The following KDM6A variants were observed in gnomAD, a reference collection of about 807,000 sequenced individuals.
KDM6A encodes lysine-specific demethylase 6A.
Under a neutral mutation model 117.6 loss-of-function variants are expected in KDM6A, and 11 were observed. The observed-to-expected ratio is 0.09, with a 90% confidence interval of 0.06 to 0.15. The LOEUF is 0.15. KDM6A is among the 10% of genes least tolerant of loss of function. KDM6A has a pLI of 1.00. For synonymous variants in KDM6A, 384 were observed against 396.1 expected (o/e 0.97, Z 0.36); for missense variants, 799 against 1,077.3 (o/e 0.74, Z 3.62).
chrX:45,052,351 T>C (rs894553544), intron 9 of KDM6A, among the ~76,000 whole-genome samples: 6 of 111,991 alleles, frequency 5.4e-5, no homozygotes, highest in Non-Finnish European at 7.5e-5. Context: ...GTTTCTTGTT[T>C]GTATTTGATA....
At chrX:44,893,993 C>T (rs909912694) in intron 2 of KDM6A, among the ~76,000 whole-genome samples, 1 of 111,759 alleles carries the variant, frequency 8.9e-6, no homozygotes, top group Non-Finnish European at 1.9e-5. Flanking sequence ...CCCAATTGGT[C>T]ATGGCATATA....
At chrX:45,082,690 T>A in intron 22 of KDM6A, 25 bp from the exon 23 acceptor site, 1 of 1,185,846 alleles carries the variant, frequency 8.4e-7, no homozygotes, top group Non-Finnish European at 1.1e-6. Flanking sequence ...AAGGCATGTT[T>A]CTAATACTGT....
At chrX:45,045,835 A>G (rs1002733709) in intron 8 of KDM6A, among the ~76,000 whole-genome samples, 1 of 111,204 alleles carries the variant, frequency 9.0e-6, no homozygotes, top group East Asian at 2.8e-4. Context: ...GGATGTGTAT[A>G]TAAGTTGTTA....
intron 4 of KDM6A, among the ~76,000 whole-genome samples, chrX:45,002,851 T>TCC (rs1329939302): frequency 3.4e-4 from 22 of 63,856 alleles, no homozygotes; most frequent in African/African-American, 5.9e-4. Flanking sequence ...TATAAATTCT[T>TCC]CCCCTCCCCG....
intron 2 of KDM6A, among the ~76,000 whole-genome samples, chrX:44,935,669 T>C (rs2036923285): frequency 9.0e-6 from 1 of 110,676 alleles, no homozygotes; most frequent in African/African-American, 3.3e-5. Flanking sequence ...GGTTTCAGAG[T>C]CTATCTACTA....
At chrX:44,991,193 C>T (rs1036932417) in intron 4 of KDM6A, among the ~76,000 whole-genome samples, 1 of 111,896 alleles carries the variant, frequency 8.9e-6, no homozygotes, top group Non-Finnish European at 1.9e-5. Flanking sequence ...CTTCTGTTTT[C>T]TTCCTTGCTT....
intron 6 of KDM6A, among the ~76,000 whole-genome samples, chrX:45,027,426 C>T (rs2042423759): frequency 9.0e-6 from 1 of 111,353 alleles, no homozygotes; most frequent in Non-Finnish European, 1.9e-5. Flanking sequence ...GCCCTATTTC[C>T]TTTATGATGC....
chrX:44,925,709 G>A (rs775900012), intron 2 of KDM6A, among the ~76,000 whole-genome samples: 6 of 111,305 alleles, frequency 5.4e-5, no homozygotes, highest in African/African-American at 1.6e-4. Context: ...CATAGAATAA[G>A]TGTCCTAATG....
intron 2 of KDM6A, among the ~76,000 whole-genome samples, chrX:44,884,641 T>C (rs1398228053): frequency 8.9e-6 from 1 of 111,910 alleles, no homozygotes; most frequent in African/African-American, 3.2e-5. Flanking sequence ...GGTAACGTCT[T>C]GGAAGAGACG....
chrX:44,938,207 G>A (rs2037090330), intron 2 of KDM6A, among the ~76,000 whole-genome samples: 1 of 111,706 alleles, frequency 9.0e-6, no homozygotes, highest in Non-Finnish European at 1.9e-5. Flanking sequence ...CCATCCCCTT[G>A]CCTTGGCCTC....
intron 8 of KDM6A, among the ~76,000 whole-genome samples, chrX:45,048,357 T>G (rs1387763164): frequency 5.4e-5 from 6 of 111,046 alleles, no homozygotes; most frequent in Non-Finnish European, 1.1e-4. Context: ...TATTTTTGCT[T>G]TATTAGCCAG....
chrX:44,881,124 C>A (rs766330789), intron 2 of KDM6A, among the ~76,000 whole-genome samples: 2 of 112,552 alleles, frequency 1.8e-5, no homozygotes, highest in African/African-American at 6.5e-5. Flanking sequence ...CAGGCTGATA[C>A]TTGGGACCTG....
chrX:44,990,611 A>G (rs985927207), intron 4 of KDM6A, among the ~76,000 whole-genome samples: 1 of 109,617 alleles, frequency 9.1e-6, no homozygotes, highest in Non-Finnish European at 1.9e-5. Flanking sequence ...TTTTGTCAGT[A>G]AAGTTTTGTA....
intron 18 of KDM6A, among the ~76,000 whole-genome samples, chrX:45,072,263 A>G (rs894490025): frequency 9.0e-6 from 1 of 111,156 alleles, no homozygotes; most frequent in Non-Finnish European, 1.9e-5. Flanking sequence ...GACCTACAAC[A>G]TGGTGATTGC....
At chrX:45,033,665 C>T (rs935633794) in intron 6 of KDM6A, among the ~76,000 whole-genome samples, 3 of 110,184 alleles carry the variant, frequency 2.7e-5, no homozygotes, top group Admixed American at 9.8e-5. Context: ...GGAATTCTCC[C>T]GTCTCAGCCT....
chrX:44,913,744 G>GTATATA (rs762465433), intron 2 of KDM6A, among the ~76,000 whole-genome samples: 2 of 107,320 alleles, frequency 1.9e-5, no homozygotes, highest in African/African-American at 6.8e-5. Flanking sequence ...GTGTGTGTGC[G>GTATATA]TATATATATA....
At chrX:45,086,528 C>T (rs1182862453) in intron 25 of KDM6A, among the ~76,000 whole-genome samples, 1 of 111,647 alleles carries the variant, frequency 9.0e-6, no homozygotes, top group Non-Finnish European at 1.9e-5. Flanking sequence ...AACTCCTGAG[C>T]TCAGGCGATC....
intron 25 of KDM6A, 49 bp downstream of exon 25, chrX:45,086,028 A>G (rs2045623707): frequency 3.9e-6 from 3 of 761,451 alleles, no homozygotes; most frequent in Non-Finnish European, 6.1e-6. Context: ...GAAAGCAGTA[A>G]TTGTAAACGA....
intron 2 of KDM6A, among the ~76,000 whole-genome samples, chrX:44,899,806 A>G (rs1336779508): frequency 9.0e-6 from 1 of 111,628 alleles, no homozygotes; most frequent in Non-Finnish European, 1.9e-5. Flanking sequence ...TTTTGGTGGA[A>G]CTGGAAGGCT....
Sources: allele counts gnomAD v4.1 joint callset (sites outside exome capture counted in the v4.1 genomes callset), GRCh38; gene constraint gnomAD v4.1.1; transcripts MANE v1.5; gene names NCBI Gene and HGNC (gene_info 2026-07-23, HGNC 2026-07-21).